Variants in TRIP4 observed in about 807,000 individuals in gnomAD.
TRIP4 encodes thyroid hormone receptor interactor 4.
A neutral mutation model predicts 81.8 loss-of-function variants in TRIP4; 54 were observed. That is an observed-to-expected ratio of 0.66 (90% CI 0.53 to 0.83). TRIP4 has a LOEUF of 0.83. Among genes scored for constraint, TRIP4 ranks in the 40% least tolerant of loss-of-function variants. TRIP4 has a pLI of 0.00. For missense variants in TRIP4, 662 were observed against 683.6 expected, an observed-to-expected ratio of 0.97 and a Z score of 0.35; for synonymous variants, 270 against 242.8, an observed-to-expected ratio of 1.11 and a Z score of -1.04.
At chr15:64,449,864 TGA>T (rs1892714528) in intron 12 of TRIP4, among the ~76,000 whole-genome samples, 3 of 152,342 alleles carry the variant, frequency 2.0e-5, no homozygotes, top group East Asian at 1.9e-4. Context: ...AAAATTCCTA[TGA>T]GAGTTATATC....
At position 64,418,755 on chromosome 15, in the gene TRIP4, T is replaced by C. The variant is rs777551760; in HGVS notation, c.1358+27T>C. On this transcript the variant is annotated intron_variant, in intron 9 of 12. Transcript: ENST00000261884. ...TAAGAATAAAAATGAATCTGGGCAG[T>C]GGAAGATCTTAGAGTGACATAAATT... 6.3e-6 allele frequency: 10 copies of C among 1,578,952 alleles called. No individual in the cohort carries two copies. In the South Asian group the frequency reaches 1.0e-4, roughly 16 times the overall value.
rs1294957902 is a variant in TRIP4, at chr15:64,400,823, T to G, written c.697+2T>G. On this transcript the variant is annotated splice_donor_variant, in intron 5 of 12. Transcript: ENST00000261884. LOFTEE classifies it high-confidence loss of function. The stretch of plus-strand genomic sequence containing the variant: ...AACTGCTAAAGAAACTCATGTCAGG[T>G]AGACAGCAGTCTTGTAATTGGATCA... The G allele has an allele frequency of 6.2e-6, 10 of 1,612,816 alleles. No homozygotes were observed. The East Asian group carries it at 2.2e-4, about 36-fold the overall frequency.
intron 8 of TRIP4, among the ~76,000 whole-genome samples, chr15:64,417,438 G>A (rs1297906794): frequency 2.7e-5 from 4 of 147,684 alleles, no homozygotes. Context: ...ATGCTTCACT[G>A]TGTTCAGCTT....
At chr15:64,434,097 A>G (rs1482768349) in intron 11 of TRIP4, among the ~76,000 whole-genome samples, 1 of 152,094 alleles carries the variant, frequency 6.6e-6, no homozygotes, top group Admixed American at 6.6e-5. Flanking sequence ...GGGACTGCCC[A>G]ATTAAAAAAA....
chr15:64,425,458 G>A, intron 10 of TRIP4, 82 bp from the exon 11 acceptor site: 1 of 1,176,358 alleles, frequency 8.5e-7, no homozygotes, highest in Non-Finnish European at 1.2e-6. Flanking sequence ...ATTAATGTTT[G>A]TTCAGAATTG....
intron 1 of TRIP4, among the ~76,000 whole-genome samples, chr15:64,390,227 C>T (rs1166522554): frequency 2.0e-5 from 3 of 150,562 alleles, no homozygotes; most frequent in East Asian, 1.9e-4. Context: ...TTTGGGAGGC[C>T]GAGGCAGATG....
At chr15:64,419,217 C>T (rs570490326) in intron 9 of TRIP4, among the ~76,000 whole-genome samples, 55 of 152,214 alleles carry the variant, frequency 3.6e-4, no homozygotes, top group Non-Finnish European at 6.6e-4. Flanking sequence ...TATTGAGAAA[C>T]TATTTTATTA....
chr15:64,414,046 C>G, intron 7 of TRIP4, 39 bp from the exon 8 acceptor site: 1 of 1,607,446 alleles, frequency 6.2e-7, no homozygotes, highest in Non-Finnish European at 8.5e-7. Context: ...GAGCATAGAA[C>G]ATTACCAATT....
chr15:64,453,595 C>T (rs1368422842), intron 12 of TRIP4, among the ~76,000 whole-genome samples: 3 of 152,176 alleles, frequency 2.0e-5, no homozygotes, highest in Non-Finnish European at 4.4e-5. Flanking sequence ...ATGCCCTATG[C>T]TCTAAAGCCC....
chr15:64,393,090 C>T (rs1217360391), intron 1 of TRIP4, among the ~76,000 whole-genome samples: 2 of 151,734 alleles, frequency 1.3e-5, no homozygotes, highest in Non-Finnish European at 2.9e-5. Flanking sequence ...ATTTTTCTTG[C>T]ATTCCATATC....
At chr15:64,447,682 C>G (rs766135977) in intron 12 of TRIP4, among the ~76,000 whole-genome samples, 34 of 152,100 alleles carry the variant, frequency 2.2e-4, no homozygotes, top group Non-Finnish European at 4.0e-4. Flanking sequence ...GGCCCAGTAG[C>G]CCTGGAAATC....
intron 3 of TRIP4, among the ~76,000 whole-genome samples, chr15:64,397,049 T>G (rs750302552): frequency 6.6e-6 from 1 of 152,246 alleles, no homozygotes; most frequent in African/African-American, 2.4e-5. Flanking sequence ...TCTTTTGTTA[T>G]GAAGTTCTTA....
intron 9 of TRIP4, among the ~76,000 whole-genome samples, chr15:64,423,407 G>A (rs1892061824): frequency 7.0e-6 from 1 of 142,138 alleles, no homozygotes; most frequent in Non-Finnish European, 1.5e-5. Context: ...AGGTTGCAGT[G>A]AGCCGAGGTC....
intron 9 of TRIP4, among the ~76,000 whole-genome samples, chr15:64,423,461 CAAAAAAAAA>C (rs58166289): frequency 7.0e-5 from 5 of 71,116 alleles, no homozygotes; most frequent in South Asian, 1.7e-3. Context: ...GACTCCGTCT[CAAAAAAAAA>C]AAAAAAAAAA....
chr15:64,392,035 A>C (rs532714040), intron 1 of TRIP4, among the ~76,000 whole-genome samples: 1 of 147,756 alleles, frequency 6.8e-6, no homozygotes, highest in South Asian at 2.2e-4. Context: ...AGCACTTTGG[A>C]AGGCTGAGGC....
chr15:64,407,528 G>T (rs754800829), intron 6 of TRIP4, among the ~76,000 whole-genome samples: 1 of 152,034 alleles, frequency 6.6e-6, no homozygotes, highest in Non-Finnish European at 1.5e-5. Context: ...TTAGCCAAGC[G>T]TGGTGGCAGG....
chr15:64,388,123 G>A (rs184827196), intron 1 of TRIP4, 159 bp downstream of exon 1: 1 of 1,283,966 alleles, frequency 7.8e-7, no homozygotes, highest in Non-Finnish European at 1.0e-6. Context: ...CACCTTTGTA[G>A]TTTAGTTTCT....
chr15:64,388,146 C>T (rs1248105651), intron 1 of TRIP4, 182 bp downstream of exon 1: 20 of 1,116,232 alleles, frequency 1.8e-5, no homozygotes, highest in Non-Finnish European at 2.0e-5. Flanking sequence ...AATAGGGTGT[C>T]CGGCTCCACA....
Position 64,424,057 on chromosome 15 carries a change from C to G in TRIP4, c.1385C>G (p.Pro462Arg), listed in dbSNP as rs1211150503. The change falls in exon 10 of 13, where the codon CCC (proline) becomes CGC (arginine). Residue 462 changes from proline to arginine, a missense_variant. Coordinates refer to ENST00000261884, the MANE Select transcript of TRIP4 (RefSeq NM_016213.5). ...GTGGAGGGCAGATCCTGGTACACCC[C>G]CCACAGAGGACGACTTTGGATAGCA... ...KRVEGRSWYT[P>R]HRGRLWIAAT... 6.2e-7 allele frequency: 1 copy of G among 1,614,090 alleles called. No homozygotes were observed. Among genetic ancestry groups the G allele is most frequent in the Non-Finnish European group, 8.5e-7 (1 of 1,180,014 alleles).
Sources: gnomAD v4.1 joint callset for allele counts (sites outside exome capture counted in the v4.1 genomes callset) on GRCh38, gnomAD v4.1.1 for gene constraint, MANE v1.5 for transcripts, NCBI Gene and HGNC (gene_info 2026-07-23, HGNC 2026-07-21) for gene names.